The following RIMBP2 variants were observed in gnomAD, a reference collection of about 807,000 sequenced individuals.
RIMBP2 encodes the protein RIMS binding protein 2.
In RIMBP2, 48 loss-of-function variants were observed where a neutral mutation model predicts 118.6. That is an observed-to-expected ratio of 0.40 (90% CI 0.32 to 0.51). The LOEUF is 0.51. Ranked by LOEUF, RIMBP2 falls within the 20% of genes least tolerant of loss-of-function variation. RIMBP2 has a pLI of 0.41. For missense variants in RIMBP2, 1,551 were observed against 1,768.3 expected (o/e 0.88, Z 2.20); for synonymous variants, 762 against 742.9 (o/e 1.03, Z -0.42).
intron 4 of RIMBP2, among the ~76,000 whole-genome samples, chr12:130,487,444 C>A (rs2082585097): frequency 6.6e-6 from 1 of 152,182 alleles, no homozygotes; most frequent in Admixed American, 6.5e-5. Flanking sequence ...CTGTCTCTTG[C>A]TACCTTTCTC....
At chr12:130,415,420 T>C (rs887642937) in intron 17 of RIMBP2, among the ~76,000 whole-genome samples, 1 of 152,180 alleles carries the variant, frequency 6.6e-6, no homozygotes, top group African/African-American at 2.4e-5. Flanking sequence ...GTAAGAGGCA[T>C]CTGTGACAAA....
intron 1 of RIMBP2, among the ~76,000 whole-genome samples, chr12:130,671,264 T>C (rs2064183681): frequency 6.6e-6 from 1 of 152,138 alleles, no homozygotes; most frequent in Non-Finnish European, 1.5e-5. Context: ...AAGTGAGAAA[T>C]GAAGTCCCCC....
At chr12:130,542,087 G>A (rs2054668771) in intron 2 of RIMBP2, among the ~76,000 whole-genome samples, 1 of 148,834 alleles carries the variant, frequency 6.7e-6, no homozygotes, top group South Asian at 2.3e-4. Context: ...GGAAAATGTG[G>A]ATGGAAATGT....
rs2061002251 is a variant in RIMBP2, at chr12:130,617,255, G to A, written c.-217+11067C>T. 6.7e-6 allele frequency among the ~76,000 whole-genome samples: 1 copy of A among 149,330 alleles called. No homozygotes were observed. The highest frequency in any genetic ancestry group is 2.5e-5 in the African/African-American group (1 of 40,704). On this transcript the variant is annotated intron_variant, in intron 2 of 22. Coordinates refer to ENST00000690449, the MANE Select transcript of RIMBP2 (RefSeq NM_001393629.1). The surrounding 1 kb of genome is among the most constrained non-coding windows in gnomAD (Gnocchi z 4.6). ...GCAAGGCTTAGGGAACTAGAGCCCA[G>A]GCCCACGCCCTGCAGCTGGGAGCTG...
chr12:130,704,902 C>T (rs764200786), intron 1 of RIMBP2, among the ~76,000 whole-genome samples: 2 of 152,172 alleles, frequency 1.3e-5, no homozygotes, highest in Non-Finnish European at 2.9e-5. Context: ...GTCCCTGTCT[C>T]CACGATGGTG....
intron 2 of RIMBP2, among the ~76,000 whole-genome samples, chr12:130,604,285 AAAAAGT>A (rs886505297): frequency 6.6e-5 from 6 of 90,836 alleles, no homozygotes; most frequent in Non-Finnish European, 5.1e-5. Context: ...AAAGGTTTTT[AAAAAGT>A]AAAAAAAAAA....
At chr12:130,675,255 G>T (rs1393950946) in intron 1 of RIMBP2, among the ~76,000 whole-genome samples, 2 of 152,190 alleles carry the variant, frequency 1.3e-5, no homozygotes, top group Non-Finnish European at 2.9e-5. Context: ...AACGATGGGT[G>T]TCTCACGCTT....
intron 19 of RIMBP2, among the ~76,000 whole-genome samples, 166 bp downstream of exon 19, chr12:130,412,453 G>A (rs577272853): frequency 3.9e-5 from 6 of 152,292 alleles, no homozygotes; most frequent in South Asian, 2.1e-4. Flanking sequence ...GTCCTGGTTC[G>A]TAGGGTGGCT....
At chr12:130,554,594 G>A (rs2056158234) in intron 2 of RIMBP2, among the ~76,000 whole-genome samples, 1 of 152,226 alleles carries the variant, frequency 6.6e-6, no homozygotes, top group Non-Finnish European at 1.5e-5. Flanking sequence ...CTGTTGAACA[G>A]TACTCCTAAA....
intron 14 of RIMBP2, among the ~76,000 whole-genome samples, chr12:130,432,658 G>A (rs1302052231): frequency 5.3e-5 from 8 of 152,192 alleles, no homozygotes; most frequent in South Asian, 2.1e-4. Flanking sequence ...AAAAGGCCAC[G>A]TGAGGACTCA....
At chr12:130,557,568 C>T (rs750141280) in intron 2 of RIMBP2, among the ~76,000 whole-genome samples, 2 of 152,132 alleles carry the variant, frequency 1.3e-5, no homozygotes, top group Non-Finnish European at 2.9e-5. Flanking sequence ...AGACTCACCA[C>T]GGACTCTGAG....
rs1280512309 is a variant in RIMBP2, at chr12:130,576,882, G to C, written c.-217+51440C>G. Among the ~76,000 whole-genome samples the C allele has an allele frequency of 6.6e-6, 1 of 152,206 alleles. No homozygotes were observed. The highest frequency in any genetic ancestry group is 1.5e-5 in the Non-Finnish European group (1 of 68,040). On this transcript the variant is annotated intron_variant, in intron 2 of 22. Coordinates refer to ENST00000690449, the MANE Select transcript of RIMBP2 (RefSeq NM_001393629.1). The surrounding 1 kb of genome is among the most constrained non-coding windows in gnomAD (Gnocchi z 4.2). ...AAATATCTCCATGTAGAAAGAGACC[G>C]ACAGTGTGGCAGGAGTCGCGGGGTG...
chr12:130,445,094 G>T (rs111397726), intron 10 of RIMBP2, 66 bp downstream of exon 10: 4 of 1,032,550 alleles, frequency 3.9e-6, no homozygotes, highest in African/African-American at 3.2e-5. Context: ...CAGGCCCCTG[G>T]AAGAGGTGGT....
At chr12:130,459,060 C>A (rs2398514) in intron 6 of RIMBP2, among the ~76,000 whole-genome samples, 4,602 of 140,472 alleles carry the variant, frequency 0.033, 255 homozygotes, top group African/African-American at 0.093. Context: ...AAAAAAAAAA[C>A]AAAAAAAAAG....
chr12:130,468,690 G>C (rs1349959951), intron 6 of RIMBP2, among the ~76,000 whole-genome samples: 1 of 152,174 alleles, frequency 6.6e-6, no homozygotes, highest in East Asian at 1.9e-4. Context: ...AGGTTGTGAG[G>C]CTCAGGCGTG....
chr12:130,631,535 C>T (rs1311139476), intron 1 of RIMBP2, among the ~76,000 whole-genome samples: 1 of 152,120 alleles, frequency 6.6e-6, no homozygotes. Context: ...GTAGCACACA[C>T]GTTTCCCTGA....
At chr12:130,661,866 C>T (rs553795328) in intron 1 of RIMBP2, among the ~76,000 whole-genome samples, 8 of 152,140 alleles carry the variant, frequency 5.3e-5, no homozygotes, top group Non-Finnish European at 1.2e-4. Context: ...TTCCCGGTCA[C>T]GACTGTGGAA....
chr12:130,531,426 TA>T (rs1352075024), intron 2 of RIMBP2, among the ~76,000 whole-genome samples: 1 of 152,266 alleles, frequency 6.6e-6, no homozygotes, highest in East Asian at 1.9e-4. Flanking sequence ...GTAAATGTAA[TA>T]AAATATAGAT....
intron 1 of RIMBP2, among the ~76,000 whole-genome samples, chr12:130,664,457 GCACGCACACA>G (rs1276739469): frequency 4.9e-5 from 3 of 61,024 alleles, no homozygotes; most frequent in South Asian, 5.6e-4. Flanking sequence ...GCACACACAT[GCACGCACACA>G]CACGCACGCA....
Sources: gnomAD v4.1 joint callset for allele counts (sites outside exome capture counted in the v4.1 genomes callset) on GRCh38, gnomAD v4.1.1 for gene constraint, Gnocchi (gnomAD v3.1) non-coding constraint, MANE v1.5 for transcripts, NCBI Gene and HGNC (gene_info 2026-07-23, HGNC 2026-07-21) for gene names.